The following FCHO2 variants were observed in gnomAD, a reference collection of about 807,000 sequenced individuals.
The protein encoded by FCHO2 is F-BAR domain only protein 2.
FCHO2 carries 43 observed loss-of-function variants against 114.1 expected under a neutral mutation model. The ratio of observed to expected loss-of-function variants is 0.38; its 90% confidence interval spans 0.30 to 0.49. The LOEUF is 0.49. Among genes scored for constraint, FCHO2 ranks in the 20% least tolerant of loss-of-function variants. The probability of loss-of-function intolerance (pLI) is 0.97; values close to 1 mark genes in which losing one functional copy is unlikely to be tolerated. For synonymous variants in FCHO2, 293 were observed against 315.2 expected (o/e 0.93, Z 0.75); for missense variants, 807 against 950.4 (o/e 0.85, Z 1.98).
chr5:73,025,782 A>C lies in FCHO2; in HGVS notation c.796+8474A>C, dbSNP rs1169731711. ...CTTCCTAGAAAAATAACATAGACAA[A>C]ATTTTGCTTGTGATTGTGTGGAATT... On this transcript the variant is annotated intron_variant, in intron 8 of 25. Coordinates refer to ENST00000430046, the MANE Select transcript of FCHO2 (RefSeq NM_138782.3). Among the ~76,000 whole-genome samples, 4 of 151,972 alleles carry C rather than the reference A, an allele frequency of 2.6e-5. No individual in the cohort carries two copies. The East Asian group carries it at 7.7e-4, about 29-fold the overall frequency.
At chr5:73,009,790 GC>G in intron 6 of FCHO2, among the ~76,000 whole-genome samples, 2 of 152,272 alleles carry the variant, frequency 1.3e-5, no homozygotes, top group South Asian at 4.1e-4. Flanking sequence ...GTCCAACTCG[GC>G]CTCCCAAAAT....
intron 18 of FCHO2, 126 bp from the exon 19 acceptor site, chr5:73,068,523 AC>A (rs1742475046): frequency 2.3e-6 from 2 of 853,412 alleles, no homozygotes; most frequent in African/African-American, 1.7e-5. Flanking sequence ...CATCTCTGAT[AC>A]TAAGTTACAA....
At chr5:73,085,451 G>A (rs553217928) in intron 24 of FCHO2, among the ~76,000 whole-genome samples, 1 of 152,210 alleles carries the variant, frequency 6.6e-6, no homozygotes, top group South Asian at 2.1e-4. Flanking sequence ...TATAAATGTG[G>A]TTTTTGATGT....
chr5:72,970,464 C>G (rs1752460944), intron 2 of FCHO2, among the ~76,000 whole-genome samples: 1 of 151,754 alleles, frequency 6.6e-6, no homozygotes, highest in South Asian at 2.1e-4. Flanking sequence ...TAGTTAATGC[C>G]TACTTATTCT....
At chr5:73,081,000 G>T (rs1743073885) in intron 22 of FCHO2, among the ~76,000 whole-genome samples, 1 of 152,018 alleles carries the variant, frequency 6.6e-6, no homozygotes, top group Admixed American at 6.6e-5. Flanking sequence ...GTCCTAGCTA[G>T]TACAGAGGCT....
chr5:73,002,412 G>A (rs1754493715), intron 5 of FCHO2, among the ~76,000 whole-genome samples: 1 of 152,126 alleles, frequency 6.6e-6, no homozygotes, highest in African/African-American at 2.4e-5. Flanking sequence ...TTTATAAGTA[G>A]TAATGTTCCT....
rs537081760 is a variant in FCHO2 at position 73,081,887 on chromosome 5, A to G, written c.2085A>G (p.Glu695=). 5.0e-6 allele frequency: 8 copies of G among 1,612,932 alleles called. No homozygotes were observed. The South Asian group carries it at 7.7e-5, about 16-fold the overall frequency. ...GAGTGGATTATAAATACAATCCAGA[A>G]GCTATGGTGGCACCTAGTGTGCTTT... is the stretch of plus-strand genomic sequence containing the variant. The part of the protein sequence containing the change: ...DLRVDYKYNP[E]AMVAPSVLSN... The change falls in exon 23 of 26, where the codon GAA becomes GAG. Residue 695 remains glutamate, a synonymous_variant. Transcript: ENST00000430046.
chr5:73,037,145 A>G lies in FCHO2; in HGVS notation c.844A>G (p.Ile282Val). 1.3e-6 allele frequency: 2 copies of G among 1,568,410 alleles called. No individual in the cohort carries two copies. Among genetic ancestry groups the G allele is most frequent in the Middle Eastern group, 1.7e-4 (1 of 5,906 alleles). ...ECDTASAVEG[I>V]KPRKRKTFAL... ...AACAATATATATTTATTTTAAAGGT[A>G]TAAAACCAAGGAAAAGAAAGACCTT... The change falls in exon 10 of 26, where the codon ATA becomes GTA. Residue 282 changes from isoleucine to valine, a missense_variant and splice_region_variant. By Grantham distance (29) the Ile-to-Val change is conservative. Coordinates refer to ENST00000430046, the MANE Select transcript of FCHO2 (RefSeq NM_138782.3).
At chr5:73,004,805 A>G (rs2112711141) in intron 5 of FCHO2, among the ~76,000 whole-genome samples, 1 of 152,246 alleles carries the variant, frequency 6.6e-6, no homozygotes, top group South Asian at 2.1e-4. Flanking sequence ...TTCACATATG[A>G]TGTTATTACA....
At chr5:73,037,638 C>T (rs1756586352) in intron 10 of FCHO2, 1 of 269,326 alleles carries the variant, frequency 3.7e-6, no homozygotes, top group Non-Finnish European at 7.3e-6. Flanking sequence ...ATGGTGATAC[C>T]TATACATACA....
Position 72,964,388 on chromosome 5 carries a change from C to T in FCHO2, c.34-4110C>T, listed in dbSNP as rs1330610260. 3.3e-5 allele frequency among the ~76,000 whole-genome samples: 5 copies of T among 152,090 alleles called. No homozygotes were observed. In the East Asian group the frequency reaches 9.6e-4, roughly 29 times the overall value. The stretch of plus-strand genomic sequence containing the variant: ...ACTGCCTATTCTACATACTTTATTT[C>T]ATTTTTATTTATTTAGAGACTGAGT... On this transcript the variant is annotated intron_variant, in intron 1 of 25. Coordinates refer to ENST00000430046, the MANE Select transcript of FCHO2 (RefSeq NM_138782.3).
chr5:72,992,978 C>CT (rs1370712809), intron 5 of FCHO2, among the ~76,000 whole-genome samples: 2 of 149,762 alleles, frequency 1.3e-5, no homozygotes, highest in African/African-American at 4.9e-5. Flanking sequence ...AAAAAAAAAA[C>CT]TCCTATTCTG....
chr5:73,088,333 G>A lies in FCHO2; in HGVS notation c.*243G>A. 1 of 497,102 alleles carries A rather than the reference G, an allele frequency of 2.0e-6. No homozygotes were observed. The highest frequency in any genetic ancestry group is 3.5e-5 in the South Asian group (1 of 28,194). 30.8% of individuals were successfully genotyped at this position (497,102 alleles called of 1,614,324 possible). On this transcript the variant is annotated 3_prime_UTR_variant, in exon 26 of 26. Transcript: ENST00000430046. ...GGAAGCACATTTATTCAGATTCTCAGTAAAAATGAAGTTTTTGTAGGATTA... is the reference window on the plus strand; with the variant it reads ...GGAAGCACATTTATTCAGATTCTCAATAAAAATGAAGTTTTTGTAGGATTA...
intron 17 of FCHO2, among the ~76,000 whole-genome samples, chr5:73,062,972 G>A (rs1348462901): frequency 6.6e-6 from 1 of 151,992 alleles, no homozygotes; most frequent in Non-Finnish European, 1.5e-5. Context: ...ATTATAGCCT[G>A]TATTTTAGTG....
intron 2 of FCHO2, among the ~76,000 whole-genome samples, chr5:72,973,843 G>A (rs1752708873): frequency 6.7e-6 from 1 of 150,170 alleles, no homozygotes; most frequent in Non-Finnish European, 1.5e-5. Flanking sequence ...GGCATGTAGT[G>A]CTATAAATTT....
chr5:73,083,040 AT>A (rs924941483), intron 24 of FCHO2, among the ~76,000 whole-genome samples: 2 of 151,334 alleles, frequency 1.3e-5, no homozygotes, highest in African/African-American at 4.9e-5. Context: ...CACCCAACTA[AT>A]TTTTGTTTGT....
intron 5 of FCHO2, among the ~76,000 whole-genome samples, chr5:73,004,188 A>G (rs1754593409): frequency 6.6e-6 from 1 of 152,148 alleles, no homozygotes; most frequent in Non-Finnish European, 1.5e-5. Flanking sequence ...GGAAACCCGG[A>G]TTAAGCATGC....
At chr5:72,957,506 A>G (rs1321857817) in intron 1 of FCHO2, among the ~76,000 whole-genome samples, 2 of 152,220 alleles carry the variant, frequency 1.3e-5, no homozygotes, top group Non-Finnish European at 2.9e-5. Context: ...TAATGTTCTC[A>G]AAGTTTATCC....
rs923130880 is a variant in FCHO2 at position 72,973,096 on chromosome 5, C to T, written c.125+4507C>T. ...AAGCTTTTTGATGTGTTGCTGGATT[C>T]GGTTTGCCAGTATTTTATTGAGGAT... On this transcript the variant is annotated intron_variant, in intron 2 of 25. Coordinates refer to ENST00000430046, the MANE Select transcript of FCHO2 (RefSeq NM_138782.3). Among the ~76,000 whole-genome samples, 135 of 152,232 alleles carry T rather than the reference C, an allele frequency of 8.9e-4. 1 individual carries two copies. Among genetic ancestry groups the T allele is most frequent in the African/African-American group, 3.1e-3 (128 of 41,524 alleles).
Sources: allele counts gnomAD v4.1 joint callset (sites outside exome capture counted in the v4.1 genomes callset), GRCh38; gene constraint gnomAD v4.1.1; transcripts MANE v1.5; gene names NCBI Gene and HGNC (gene_info 2026-07-23, HGNC 2026-07-21).